Variants in PTPRM observed in about 807,000 individuals in gnomAD.
PTPRM encodes the protein receptor-type tyrosine-protein phosphatase mu.
PTPRM carries 47 observed loss-of-function variants against 186.7 expected under a neutral mutation model. That is an observed-to-expected ratio of 0.25 (90% CI 0.20 to 0.32). The LOEUF (loss-of-function observed/expected upper bound fraction) is 0.32. Ranked by LOEUF, PTPRM falls within the 10% of genes least tolerant of loss-of-function variation. The probability of loss-of-function intolerance (pLI) is 1.00; values close to 1 mark genes in which losing one functional copy is unlikely to be tolerated. For missense variants in PTPRM, 1,494 were observed against 1,865.0 expected, an observed-to-expected ratio of 0.80 and a Z score of 3.66; for synonymous variants, 668 against 674.9, an observed-to-expected ratio of 0.99 and a Z score of 0.16.
intron 3 of PTPRM, among the ~76,000 whole-genome samples, chr18:7,901,745 A>T (rs1163033063): frequency 1.3e-5 from 2 of 152,226 alleles, no homozygotes; most frequent in Non-Finnish European, 2.9e-5. Context: ...TAAAATAGGT[A>T]ATCTCAGACT....
intron 19 of PTPRM, among the ~76,000 whole-genome samples, chr18:8,257,606 G>T (rs1026459591): frequency 6.6e-6 from 1 of 152,190 alleles, no homozygotes; most frequent in Non-Finnish European, 1.5e-5. Context: ...GCCGTGGAAT[G>T]CTTGGCTTCA....
chr18:7,724,308 G>A (rs543297540), intron 1 of PTPRM, among the ~76,000 whole-genome samples: 5 of 152,010 alleles, frequency 3.3e-5, no homozygotes, highest in South Asian at 2.1e-4. Flanking sequence ...AATCATGATC[G>A]TTTCTGTTGT....
intron 1 of PTPRM, among the ~76,000 whole-genome samples, chr18:7,571,524 TA>T (rs1266285340): frequency 1.3e-5 from 2 of 152,216 alleles, no homozygotes; most frequent in Non-Finnish European, 2.9e-5. Flanking sequence ...TTCTACCTTA[TA>T]ATGGTTTTGA....
chr18:7,941,762 C>T (rs1198187371), intron 5 of PTPRM, among the ~76,000 whole-genome samples: 2 of 152,226 alleles, frequency 1.3e-5, no homozygotes, highest in Non-Finnish European at 2.9e-5. Flanking sequence ...ACCTGATCTT[C>T]CTGGCAGTTA....
chr18:8,144,030 C>T (rs916800756), intron 14 of PTPRM, among the ~76,000 whole-genome samples: 2 of 152,218 alleles, frequency 1.3e-5, no homozygotes, highest in Non-Finnish European at 2.9e-5. Flanking sequence ...TCTTCCCACA[C>T]AGTGGCAGAT....
At chr18:8,242,204 T>G (rs1180200675) in intron 14 of PTPRM, among the ~76,000 whole-genome samples, 1 of 152,114 alleles carries the variant, frequency 6.6e-6, no homozygotes, top group African/African-American at 2.4e-5. Flanking sequence ...ATTGAGGCAA[T>G]TACTGGCATA....
At chr18:7,798,305 C>G (rs921242673) in intron 2 of PTPRM, among the ~76,000 whole-genome samples, 4 of 151,946 alleles carry the variant, frequency 2.6e-5, no homozygotes, top group Non-Finnish European at 5.9e-5. Flanking sequence ...CCGGGGTGGG[C>G]AGATCACAGG....
intron 1 of PTPRM, among the ~76,000 whole-genome samples, chr18:7,609,799 G>A (rs535032444): frequency 1.5e-3 from 232 of 152,214 alleles, no homozygotes; most frequent in Middle Eastern, 3.4e-3. Flanking sequence ...TTTCCACAGA[G>A]GTGAGAAGGT....
intron 6 of PTPRM, among the ~76,000 whole-genome samples, chr18:7,951,813 T>G (rs2052978480): frequency 6.6e-6 from 1 of 152,254 alleles, no homozygotes; most frequent in Non-Finnish European, 1.5e-5. Context: ...CTTTAAAATA[T>G]ACACTAACAT....
chr18:8,352,663 T>TTTG, intron 23 of PTPRM, among the ~76,000 whole-genome samples: 2 of 110,270 alleles, frequency 1.8e-5, no homozygotes, highest in Non-Finnish European at 4.4e-5. Flanking sequence ...GTTTTTTTTG[T>TTTG]TTGTTTGTTT....
intron 2 of PTPRM, among the ~76,000 whole-genome samples, chr18:7,848,047 A>T (rs926265672): frequency 8.5e-5 from 13 of 152,190 alleles, no homozygotes; most frequent in African/African-American, 2.7e-4. Context: ...TTCGCACCCA[A>T]ATGTATTTAC....
chr18:8,287,544 C>A (rs1438364145), intron 19 of PTPRM, among the ~76,000 whole-genome samples: 1 of 152,218 alleles, frequency 6.6e-6, no homozygotes, highest in Non-Finnish European at 1.5e-5. Context: ...TTGGAGGCTG[C>A]TCTCCAAAGG....
intron 7 of PTPRM, among the ~76,000 whole-genome samples, chr18:7,980,179 T>C (rs2082471117): frequency 6.6e-6 from 1 of 152,162 alleles, no homozygotes; most frequent in South Asian, 2.1e-4. Flanking sequence ...GAAACCTGAA[T>C]TGCCCTTGAG....
At position 7,987,745 on chromosome 18, in the gene PTPRM, C is replaced by G. The variant is rs535983836; in HGVS notation, c.1132+32331C>G. ...AATCACATCTAATTTTAAAAACCTA[C>G]TAAAGATTAAAACCATTTTTTCAGA... On this transcript the variant is annotated intron_variant, in intron 7 of 32. Transcript: ENST00000580170. 5.5e-4 allele frequency among the ~76,000 whole-genome samples: 84 copies of G among 152,172 alleles called. 1 individual carries two copies. The highest frequency in any genetic ancestry group is 1.3e-4 in the Non-Finnish European group (9 of 68,036).
At chr18:8,314,923 T>A in intron 21 of PTPRM, 66 bp downstream of exon 21, 3 of 1,028,568 alleles carry the variant, frequency 2.9e-6, no homozygotes, top group Non-Finnish European at 4.3e-6. Flanking sequence ...ATGTATGATA[T>A]TTTGATACAT....
intron 1 of PTPRM, among the ~76,000 whole-genome samples, chr18:7,722,497 GA>G (rs1243284221): frequency 1.3e-5 from 2 of 151,882 alleles, no homozygotes; most frequent in African/African-American, 4.8e-5. Context: ...GAAAAATCAA[GA>G]AAAAAAGTGA....
At chr18:7,716,750 G>C (rs771016680) in intron 1 of PTPRM, among the ~76,000 whole-genome samples, 25 of 152,160 alleles carry the variant, frequency 1.6e-4, no homozygotes, top group Non-Finnish European at 2.1e-4. Context: ...GTGGTCATTA[G>C]AGAAATGCAA....
intron 1 of PTPRM, among the ~76,000 whole-genome samples, chr18:7,724,075 C>CT (rs377072585): frequency 1.5e-3 from 220 of 145,398 alleles, no homozygotes; most frequent in African/African-American, 2.7e-3. Context: ...TAGTAATTTC[C>CT]TTTTTTTTTT....
chr18:8,167,425 CTCAGGAG>C (rs2093339597), intron 14 of PTPRM, among the ~76,000 whole-genome samples: 1 of 152,240 alleles, frequency 6.6e-6, no homozygotes, highest in Non-Finnish European at 1.5e-5. Flanking sequence ...ACCTTGGTGA[CTCAGGAG>C]TCACAGTTAA....
Sources: gnomAD v4.1 joint callset for allele counts (sites outside exome capture counted in the v4.1 genomes callset) on GRCh38, gnomAD v4.1.1 for gene constraint, MANE v1.5 for transcripts, NCBI Gene and HGNC (gene_info 2026-07-23, HGNC 2026-07-21) for gene names.